Variants in IL12RB2 observed in about 807,000 individuals in gnomAD.
The protein encoded by IL12RB2 is interleukin-12 receptor subunit beta-2.
A neutral mutation model predicts 89.4 loss-of-function variants in IL12RB2; 82 were observed. That is an observed-to-expected ratio of 0.92 (90% CI 0.77 to 1.10). The LOEUF (loss-of-function observed/expected upper bound fraction) is 1.10. Ranked by LOEUF, IL12RB2 falls within the 50% of genes least tolerant of loss-of-function variation. The pLI is 0.00. For missense variants in IL12RB2, 963 were observed against 1,031.9 expected (o/e 0.93, Z 0.92); for synonymous variants, 368 against 370.1 (o/e 0.99, Z 0.07).
In IL12RB2 at chr1:67,321,678, C is replaced by G; in HGVS notation, c.153C>G (p.Cys51Trp). 1 of 1,601,984 alleles carries G rather than the reference C, an allele frequency of 6.2e-7. No individual in the cohort carries two copies. Among genetic ancestry groups the G allele is most frequent in the Non-Finnish European group, 8.6e-7 (1 of 1,168,896 alleles). The change falls in exon 4 of 17, where the codon TGC becomes TGG. Residue 51 changes from cysteine to tryptophan, a missense_variant. Cys to Trp is a radical substitution (Grantham distance 215). Transcript: ENST00000674203. ...ILLGSTVNITCSLKPRQGCFH... is the reference protein window; with the variant it reads ...ILLGSTVNITWSLKPRQGCFH... ...TTGGATCCACTGTCAATATTACATG[C>G]TCTTTGAAGCCCAGACAAGGCTGCT... is the stretch of plus-strand genomic sequence containing the variant.
chr1:67,327,486 A>C (rs1657490640), intron 5 of IL12RB2, among the ~76,000 whole-genome samples: 1 of 152,064 alleles, frequency 6.6e-6, no homozygotes, highest in South Asian at 2.1e-4. Flanking sequence ...GCTGCATAAG[A>C]TCGCTTCTCT....
chr1:67,382,984 T>C (rs1377056100), intron 14 of IL12RB2, among the ~76,000 whole-genome samples: 4 of 152,142 alleles, frequency 2.6e-5, no homozygotes, highest in Non-Finnish European at 5.9e-5. Flanking sequence ...CATATACCCC[T>C]GTTTTCATAC....
rs577097542 is a variant in IL12RB2, at chr1:67,326,634, C to T, written c.365-101C>T. Reference sequence around the variant, plus strand: ...ATAGCTTCTAGTTTACCTGGGTTTACGGCATGTGGGGGACGTATTGTCATG... The same window carrying T: ...ATAGCTTCTAGTTTACCTGGGTTTATGGCATGTGGGGGACGTATTGTCATG... On this transcript the variant is annotated intron_variant, in intron 4 of 16. Transcript: ENST00000674203. The T allele has an allele frequency of 3.4e-5, 51 of 1,515,162 alleles. 2 individuals carry two copies. Among genetic ancestry groups the T allele is most frequent in the East Asian group, 2.3e-4 (9 of 39,890 alleles). 93.9% of individuals were successfully genotyped at this position (1,515,162 alleles called of 1,614,324 possible). A position where few individuals can be genotyped will look rare whatever the true frequency, so the allele number is the denominator to read the frequency against.
chr1:67,337,695 T>C (rs1228461074), intron 8 of IL12RB2, among the ~76,000 whole-genome samples: 1 of 152,130 alleles, frequency 6.6e-6, no homozygotes, highest in Non-Finnish European at 1.5e-5. Context: ...GCTGGGTATG[T>C]GGCATATTAA....
At chr1:67,326,150 T>G (rs1657256394) in intron 4 of IL12RB2, among the ~76,000 whole-genome samples, 1 of 152,208 alleles carries the variant, frequency 6.6e-6, no homozygotes, top group Non-Finnish European at 1.5e-5. Context: ...CTGAGGCAAC[T>G]GGGTGTAAGT....
In IL12RB2 at chr1:67,386,576, C is replaced by T. The variant is rs778634259; in HGVS notation, c.1856-3C>T. The T allele has an allele frequency of 1.3e-5, 21 of 1,608,148 alleles. No individual in the cohort carries two copies. The highest frequency in any genetic ancestry group is 1.8e-5 in the Non-Finnish European group (21 of 1,174,720). On this transcript the variant is annotated splice_polypyrimidine_tract_variant and splice_region_variant and intron_variant, in intron 14 of 16. Transcript: ENST00000674203. ...TCAGTCACAGGATTTCCTAACTTTT[C>T]AGGTAAAGCCAATTGGATGGCGTTT...
chr1:67,337,417 G>A (rs1658907151), intron 8 of IL12RB2, among the ~76,000 whole-genome samples: 1 of 152,140 alleles, frequency 6.6e-6, no homozygotes, highest in Non-Finnish European at 1.5e-5. Context: ...GATGGTAGAG[G>A]AAACAAAATG....
intron 6 of IL12RB2, 46 bp downstream of exon 6, chr1:67,328,430 A>T: frequency 6.2e-7 from 1 of 1,610,276 alleles, no homozygotes; most frequent in Non-Finnish European, 8.5e-7. Context: ...AATTATTTTT[A>T]AAATCACTCA....
In IL12RB2 at chr1:67,395,965, T is replaced by G. The variant is rs769774814; in HGVS notation, c.2465T>G (p.Leu822Arg). The G allele has an allele frequency of 6.2e-7, 1 of 1,608,174 alleles. No individual in the cohort carries two copies. The change falls in exon 17 of 17, where the codon CTG (leucine) becomes CGG (arginine). Residue 822 changes from leucine to arginine, a missense_variant. By Grantham distance (102) the Leu-to-Arg change is moderately radical. Transcript: ENST00000674203. ...CCTCTCGCTGACTCTCTGGAAGAAC[T>G]GGAGCCTCAGCACATCTCCCTTTCT... ...EAPLADSLEE[L>R]EPQHISLSVF...
intron 4 of IL12RB2, among the ~76,000 whole-genome samples, chr1:67,322,618 G>T (rs922066773): frequency 6.6e-5 from 10 of 152,070 alleles, no homozygotes; most frequent in Non-Finnish European, 1.0e-4. Flanking sequence ...GCAGCTGGTT[G>T]TTTATACACT....
intron 8 of IL12RB2, among the ~76,000 whole-genome samples, chr1:67,338,336 C>CAAAAAAAAAAAAAA (rs572505092): frequency 1.7e-4 from 7 of 40,102 alleles, no homozygotes; most frequent in Non-Finnish European, 2.8e-4. Context: ...GATCCTGTCT[C>CAAAAAAAAAAAAAA]AAAAAAAAAA....
At chr1:67,369,399 T>C (rs575005199) in intron 11 of IL12RB2, among the ~76,000 whole-genome samples, 1 of 152,356 alleles carries the variant, frequency 6.6e-6, no homozygotes, top group African/African-American at 2.4e-5. Flanking sequence ...GTGGAAATTA[T>C]AAAAGAAGTA....
chr1:67,321,608 G>T lies in IL12RB2; in HGVS notation c.83G>T (p.Cys28Phe). 6.3e-7 allele frequency: 1 copy of T among 1,595,932 alleles called. No homozygotes were observed. Among genetic ancestry groups the T allele is most frequent in the Non-Finnish European group, 8.6e-7 (1 of 1,163,748 alleles). The change falls in exon 4 of 17, where the codon TGC becomes TTC. Residue 28 changes from cysteine to phenylalanine, a missense_variant. Cys to Phe is a radical substitution (Grantham distance 205). Transcript: ENST00000674203. ...WLLIKAKIDA[C>F]KRGDVTVKPS... ...CATCTGTATCTTATTGCAGATGCGT[G>T]CAAGAGAGGCGATGTGACTGTGAAG...
At chr1:67,331,764 A>G (rs1490410668) in intron 8 of IL12RB2, among the ~76,000 whole-genome samples, 1 of 152,154 alleles carries the variant, frequency 6.6e-6, no homozygotes, top group Non-Finnish European at 1.5e-5. Context: ...ACTTGAACCC[A>G]GGAGGCAAAG....
At chr1:67,343,666 C>T (rs1432745933) in intron 9 of IL12RB2, among the ~76,000 whole-genome samples, 2 of 152,078 alleles carry the variant, frequency 1.3e-5, no homozygotes, top group African/African-American at 4.8e-5. Context: ...TTCCAATATA[C>T]TTCTTTTCTA....
chr1:67,344,973 A>G (rs1282001074), intron 9 of IL12RB2, among the ~76,000 whole-genome samples: 2 of 152,190 alleles, frequency 1.3e-5, no homozygotes, highest in Non-Finnish European at 2.9e-5. Context: ...ACCTGAGGTC[A>G]GGAGTTCAAG....
intron 9 of IL12RB2, among the ~76,000 whole-genome samples, chr1:67,346,728 A>G (rs1660281028): frequency 6.6e-6 from 1 of 152,124 alleles, no homozygotes; most frequent in Non-Finnish European, 1.5e-5. Flanking sequence ...TGGGGTTGCA[A>G]AAGGCAGTCA....
At position 67,386,698 on chromosome 1, in the gene IL12RB2, A is replaced by T. The variant is rs189685637; in HGVS notation, c.1946+29A>T. 2.0e-4 allele frequency: 287 copies of T among 1,401,852 alleles called. 1 individual carries two copies. The East Asian group carries it at 6.3e-3, about 31-fold the overall frequency. The allele number at this position is 1,401,852 out of a possible 1,614,324, so 86.8% of individuals were successfully genotyped here. A position where few individuals can be genotyped will look rare whatever the true frequency, so the allele number is the denominator to read the frequency against. ...AGTTGGTTACACCTACCAAGTGGGT[A>T]AATGAGGCTTTTAAAAAATGATAAT... is the stretch of plus-strand genomic sequence containing the variant. On this transcript the variant is annotated intron_variant, in intron 15 of 16. Coordinates refer to ENST00000674203, the MANE Select transcript of IL12RB2 (RefSeq NM_001374259.2).
intron 16 of IL12RB2, among the ~76,000 whole-genome samples, chr1:67,391,844 T>C (rs1294526441): frequency 3.3e-5 from 5 of 151,966 alleles, no homozygotes; most frequent in Admixed American, 2.6e-4. Context: ...GAGGTTTCAC[T>C]GTGTTAGCCA....
Sources: allele counts gnomAD v4.1 joint callset (sites outside exome capture counted in the v4.1 genomes callset), GRCh38; gene constraint gnomAD v4.1.1; transcripts MANE v1.5; gene names NCBI Gene and HGNC (gene_info 2026-07-23, HGNC 2026-07-21).